The following SEPTIN9 variants were observed in gnomAD, a reference collection of about 807,000 sequenced individuals.
SEPTIN9 encodes the protein septin 9.
SEPTIN9 carries 13 observed loss-of-function variants against 56.6 expected under a neutral mutation model. The ratio of observed to expected loss-of-function variants is 0.23; its 90% CI spans 0.15 to 0.37. The LOEUF (loss-of-function observed/expected upper bound fraction) is 0.37. Among genes scored for constraint, SEPTIN9 ranks in the 10% least tolerant of loss-of-function variants. SEPTIN9 has a pLI of 1.00. For missense variants in SEPTIN9, 650 were observed against 823.1 expected (o/e 0.79, Z 2.57); for synonymous variants, 332 against 334.1 (o/e 0.99, Z 0.07).
intron 2 of SEPTIN9, among the ~76,000 whole-genome samples, chr17:77,387,488 A>G (rs377310155): frequency 2.0e-5 from 3 of 152,136 alleles, no homozygotes; most frequent in African/African-American, 7.2e-5. Context: ...GGGGGTCACT[A>G]TTCAGTCCAC....
intron 3 of SEPTIN9, among the ~76,000 whole-genome samples, chr17:77,417,207 A>AT (rs1360451347): frequency 6.6e-6 from 1 of 152,192 alleles, no homozygotes; most frequent in African/African-American, 2.4e-5. Context: ...GATTTTACTT[A>AT]TTATTACCAA....
At chr17:77,386,748 T>A (rs952080209) in intron 2 of SEPTIN9, among the ~76,000 whole-genome samples, 2 of 152,170 alleles carry the variant, frequency 1.3e-5, no homozygotes, top group African/African-American at 4.8e-5. Context: ...CCTCTCTGGC[T>A]TCCCCACTTG....
At chr17:77,282,927 G>A (rs943931780) in intron 1 of SEPTIN9, among the ~76,000 whole-genome samples, 2 of 152,174 alleles carry the variant, frequency 1.3e-5, no homozygotes, top group African/African-American at 2.4e-5. Context: ...CTTTGCCCTT[G>A]GTTTCTTACA....
At chr17:77,491,328 G>C (rs116922110) in intron 8 of SEPTIN9, among the ~76,000 whole-genome samples, 1 of 152,004 alleles carries the variant, frequency 6.6e-6, no homozygotes, top group Non-Finnish European at 1.5e-5. Context: ...TCCCCGAGTA[G>C]CTGGAATTAC....
chr17:77,460,236 G>A lies in SEPTIN9; in HGVS notation c.722-21908G>A, dbSNP rs56123859. 7.0e-3 allele frequency among the ~76,000 whole-genome samples: 1,064 copies of A among 152,280 alleles called. 6 individuals carry two copies. Among genetic ancestry groups the A allele is most frequent in the South Asian group, 0.011 (53 of 4,826 alleles). ...CTTCTCTGTTCCTTGTTGAGAGAGC[G>A]GTGGGGGAGAAATGACTCAGGGATG... On this transcript the variant is annotated intron_variant, in intron 3 of 11. Coordinates refer to ENST00000427177, the MANE Select transcript of SEPTIN9 (RefSeq NM_001113491.2).
In SEPTIN9 at chr17:77,329,240, A is replaced by T. The variant is rs1002317028; in HGVS notation, c.76+22043A>T. On this transcript the variant is annotated intron_variant, in intron 2 of 11. Transcript: ENST00000427177. The surrounding 1 kb of genome is among the most constrained non-coding windows in gnomAD (Gnocchi z 4.3). ...GGGAGGAGGCTGCTGCAGGCCCTGCAGCTGGAGAGGGAGGATCAGGATCTC... is the reference window on the plus strand; with the variant it reads ...GGGAGGAGGCTGCTGCAGGCCCTGCTGCTGGAGAGGGAGGATCAGGATCTC... Among the ~76,000 whole-genome samples the T allele has an allele frequency of 2.2e-4, 34 of 152,188 alleles. No individual in the cohort carries two copies. The highest frequency in any genetic ancestry group is 4.6e-4 in the Admixed American group (7 of 15,276).
chr17:77,362,976 C>T (rs2034461935), intron 2 of SEPTIN9, among the ~76,000 whole-genome samples: 3 of 152,334 alleles, frequency 2.0e-5, no homozygotes, highest in South Asian at 2.1e-4. Flanking sequence ...AGGTCTGGCA[C>T]CTGGCTTGTG....
Position 77,499,469 on chromosome 17 carries a change from C to G in SEPTIN9, c.*811C>G, listed in dbSNP as rs745742065. On this transcript the variant is annotated 3_prime_UTR_variant, in exon 12 of 12. Coordinates refer to ENST00000427177, the MANE Select transcript of SEPTIN9 (RefSeq NM_001113491.2). ...AAGGAAGGAGAGATGACCCCTACCCCCTCATCCCCCAGTTTTGAAAAGGTC... is the reference window on the plus strand; with the variant it reads ...AAGGAAGGAGAGATGACCCCTACCCGCTCATCCCCCAGTTTTGAAAAGGTC... The G allele has an allele frequency of 3.9e-6, 2 of 517,672 alleles. No individual in the cohort carries two copies. The highest frequency in any genetic ancestry group is 7.9e-5 in the East Asian group (2 of 25,468). The allele number at this position is 517,672 out of a possible 1,614,324, so 32.1% of individuals were successfully genotyped here.
At chr17:77,452,598 T>C (rs1357266997) in intron 3 of SEPTIN9, among the ~76,000 whole-genome samples, 1 of 152,166 alleles carries the variant, frequency 6.6e-6, no homozygotes, top group Non-Finnish European at 1.5e-5. Context: ...GGCAGGTCTG[T>C]TCGGGGCTGT....
chr17:77,454,333 TTTA>T (rs1401602980), intron 3 of SEPTIN9: 2 of 985,382 alleles, frequency 2.0e-6, no homozygotes, highest in African/African-American at 3.5e-5. Flanking sequence ...CTTTGATTTG[TTTA>T]TTGAGTGCCA....
intron 6 of SEPTIN9, 82 bp downstream of exon 6, chr17:77,488,403 C>T (rs902748210): frequency 3.0e-6 from 4 of 1,348,100 alleles, no homozygotes; most frequent in Non-Finnish European, 4.2e-6. Context: ...CTAGAGGTTT[C>T]CCGGCCCGCG....
At chr17:77,340,382 C>T (rs529427479) in intron 2 of SEPTIN9, among the ~76,000 whole-genome samples, 2 of 152,232 alleles carry the variant, frequency 1.3e-5, no homozygotes, top group East Asian at 1.9e-4. Context: ...CTCAAGTGAT[C>T]CCCCCGCCCC....
At position 77,405,074 on chromosome 17, in the gene SEPTIN9, G is replaced by A. The variant is rs1251363491; in HGVS notation, c.721+2371G>A. 1.3e-6 allele frequency: 2 copies of A among 1,534,980 alleles called. No individual in the cohort carries two copies. The highest frequency in any genetic ancestry group is 1.7e-6 in the Non-Finnish European group (2 of 1,146,558). On this transcript the variant is annotated intron_variant, in intron 3 of 11. Coordinates refer to ENST00000427177, the MANE Select transcript of SEPTIN9 (RefSeq NM_001113491.2). This position sits in a 1 kb window ranked among gnomAD's most constrained non-coding sequence, Gnocchi z 5.8. ...TGGCTGGGGAGGCGGTTGTCACCGA[G>A]CCATCTAAATCTCGGTGATGGCTGG... is the stretch of plus-strand genomic sequence containing the variant.
At position 77,402,014 on chromosome 17, in the gene SEPTIN9, C is replaced by T. The variant is rs2035916600; in HGVS notation, c.77-45C>T. 4 of 1,588,686 alleles carry T rather than the reference C, an allele frequency of 2.5e-6. No homozygotes were observed. The highest frequency in any genetic ancestry group is 1.3e-5 in the African/African-American group (1 of 74,226). On this transcript the variant is annotated intron_variant, in intron 2 of 11. Coordinates refer to ENST00000427177, the MANE Select transcript of SEPTIN9 (RefSeq NM_001113491.2). This position sits in a 1 kb window ranked among gnomAD's most constrained non-coding sequence, Gnocchi z 6.6. The stretch of plus-strand genomic sequence containing the variant: ...AGCAGGAAACATGCCGGAGTGTTCC[C>T]TAGCCATCCATTCACCAATTGCATC...
chr17:77,309,817 C>T (rs1485996154), intron 2 of SEPTIN9, among the ~76,000 whole-genome samples: 1 of 152,176 alleles, frequency 6.6e-6, no homozygotes, highest in Non-Finnish European at 1.5e-5. Flanking sequence ...GTGTACTCAC[C>T]ATCCCGCTTA....
chr17:77,334,779 T>A lies in SEPTIN9; in HGVS notation c.76+27582T>A, dbSNP rs144052733. ...TTTTAACCTATTATAGCCGTCAGGA[T>A]GTTGTATGATCCATTTTAAATCAGT... On this transcript the variant is annotated intron_variant, in intron 2 of 11. Transcript: ENST00000427177. Among the ~76,000 whole-genome samples the A allele has an allele frequency of 4.7e-3, 720 of 152,296 alleles. 3 individuals carry two copies. The highest frequency in any genetic ancestry group is 0.02 in the Middle Eastern group (6 of 294).
chr17:77,500,166 A>G lies in SEPTIN9; in HGVS notation c.*1508A>G, dbSNP rs1049787454. ...GGAGAAGGTCAGCGAGAAGGAGTGT[A>G]TGAGTGTGAGTGTGTGTGCATGGAA... is the stretch of plus-strand genomic sequence containing the variant. On this transcript the variant is annotated 3_prime_UTR_variant, in exon 12 of 12. Transcript: ENST00000427177. 1 of 232,674 alleles carries G rather than the reference A, an allele frequency of 4.3e-6. No homozygotes were observed. The highest frequency in any genetic ancestry group is 8.5e-6 in the Non-Finnish European group (1 of 117,734). The allele number at this position is 232,674 out of a possible 1,614,324, so 14.4% of individuals were successfully genotyped here. A position where few individuals can be genotyped will look rare whatever the true frequency, so the allele number is the denominator to read the frequency against.
At chr17:77,470,301 C>T (rs1238703725) in intron 3 of SEPTIN9, among the ~76,000 whole-genome samples, 1 of 151,698 alleles carries the variant, frequency 6.6e-6, no homozygotes, top group Non-Finnish European at 1.5e-5. Context: ...TACTCACCCA[C>T]CCATCCACTC....
At chr17:77,282,774 C>T (rs2411076) in intron 1 of SEPTIN9, among the ~76,000 whole-genome samples, 87,983 of 152,116 alleles carry the variant, frequency 0.58, 28,572 homozygotes, top group South Asian at 0.72. Context: ...TGCTGGTGGG[C>T]GGGAGCGGGC....
Sources: allele counts gnomAD v4.1 joint callset (sites outside exome capture counted in the v4.1 genomes callset), GRCh38; gene constraint gnomAD v4.1.1; non-coding constraint Gnocchi (gnomAD v3.1); transcripts MANE v1.5; gene names NCBI Gene and HGNC (gene_info 2026-07-23, HGNC 2026-07-21).